The following ADAM10 variants were observed in gnomAD, a reference collection of about 807,000 sequenced individuals.
The protein encoded by ADAM10 is disintegrin and metalloproteinase domain-containing protein 10.
In ADAM10, 17 loss-of-function variants were observed where a neutral mutation model predicts 90.1. That is an observed-to-expected ratio of 0.19 (90% CI 0.13 to 0.28). The LOEUF (loss-of-function observed/expected upper bound fraction) is 0.28. Ranked by LOEUF, ADAM10 falls within the 10% of genes least tolerant of loss-of-function variation. The pLI, the probability that ADAM10 is intolerant of heterozygous loss-of-function variation, is 1.00. For synonymous variants in ADAM10, 310 were observed against 298.6 expected, an observed-to-expected ratio of 1.04 and a Z score of -0.40; for missense variants, 610 against 914.3, an observed-to-expected ratio of 0.67 and a Z score of 4.29.
At chr15:58,713,808 T>G (rs1386465640) in intron 2 of ADAM10, among the ~76,000 whole-genome samples, 2 of 150,678 alleles carry the variant, frequency 1.3e-5, no homozygotes, top group African/African-American at 5.0e-5. Context: ...TTTCATAGAA[T>G]TCTTTTCTTT....
intron 1 of ADAM10, among the ~76,000 whole-genome samples, chr15:58,729,990 ACAAACAAAC>A (rs1899180024): frequency 2.3e-5 from 3 of 127,880 alleles, no homozygotes; most frequent in African/African-American, 5.7e-5. Flanking sequence ...CAAAAACAAA[ACAAACAAAC>A]AAACAAAAAA....
intron 2 of ADAM10, among the ~76,000 whole-genome samples, chr15:58,711,840 G>A (rs1898484486): frequency 6.6e-6 from 1 of 152,102 alleles, no homozygotes; most frequent in African/African-American, 2.4e-5. Context: ...TTAAGTAAGA[G>A]TCTCAGATAC....
chr15:58,672,786 C>CAAAAAAAAAAAAAAAAAAAAAAAA (rs58659295), intron 4 of ADAM10: 14 of 60,836 alleles, frequency 2.3e-4, no homozygotes, highest in African/African-American at 6.6e-4. Context: ...CCTCATGCAG[C>CAAAAAAAAAAAAAAAAAAAAAAAA]AAAAAAAAAA....
chr15:58,614,725 A>T (rs1165855363), intron 11 of ADAM10, among the ~76,000 whole-genome samples: 1 of 152,212 alleles, frequency 6.6e-6, no homozygotes, highest in Non-Finnish European at 1.5e-5. Context: ...GACTGACCCT[A>T]CAAGAAATAC....
chr15:58,612,570 C>A (rs1208834443), intron 11 of ADAM10, among the ~76,000 whole-genome samples: 18 of 152,242 alleles, frequency 1.2e-4, no homozygotes, highest in African/African-American at 4.3e-4. Flanking sequence ...TGTTGCTGCA[C>A]CTGGTCTCAC....
chr15:58,662,216 T>C (rs964870741), intron 5 of ADAM10, among the ~76,000 whole-genome samples: 2 of 152,226 alleles, frequency 1.3e-5, no homozygotes, highest in Admixed American at 6.5e-5. Flanking sequence ...GCTAATTTAT[T>C]TGAAAAGCAG....
At position 58,594,159 on chromosome 15, in the gene ADAM10, C is replaced by T. The variant is rs1464818140; in HGVS notation, c.*3388G>A. On this transcript the variant is annotated 3_prime_UTR_variant, in exon 16 of 16. Coordinates refer to ENST00000260408, the MANE Select transcript of ADAM10 (RefSeq NM_001110.4). ...GTCCCTGGCAGCTGCTTTAAAACTACATCTGGCTTGCACCCTGGTTTTGGG... is the reference window on the plus strand; with the variant it reads ...GTCCCTGGCAGCTGCTTTAAAACTATATCTGGCTTGCACCCTGGTTTTGGG... The T allele has an allele frequency of 2.0e-5, 3 of 152,236 alleles. No homozygotes were observed. Among genetic ancestry groups the T allele is most frequent in the Non-Finnish European group, 4.4e-5 (3 of 68,042 alleles). 9.4% of individuals were successfully genotyped at this position (152,236 alleles called of 1,614,324 possible).
At chr15:58,622,305 T>C (rs1368931993) in intron 10 of ADAM10, among the ~76,000 whole-genome samples, 2 of 152,202 alleles carry the variant, frequency 1.3e-5, no homozygotes, top group African/African-American at 4.8e-5. Flanking sequence ...CCAAGCCATG[T>C]TCAATTTTCC....
At position 58,646,258 on chromosome 15, in the gene ADAM10, T is replaced by A. The variant is rs183390177; in HGVS notation, c.586-54A>T. On this transcript the variant is annotated intron_variant, in intron 5 of 15. Coordinates refer to ENST00000260408, the MANE Select transcript of ADAM10 (RefSeq NM_001110.4). ...TTAGTATGCTTCAATACTATCATTT[T>A]ATCTAATTAAGAATACATACTATAA... The A allele has an allele frequency of 2.6e-6, 4 of 1,534,578 alleles. No individual in the cohort carries two copies. The East Asian group carries it at 9.2e-5, about 35-fold the overall frequency.
Position 58,595,226 on chromosome 15 carries a change from T to C in ADAM10, c.*2321A>G, listed in dbSNP as rs548103501. On this transcript the variant is annotated 3_prime_UTR_variant, in exon 16 of 16. Transcript: ENST00000260408. ...TAGTTGGGTGTTTTAAAAAGGTTTA[T>C]TGTGTGTACGCAGAGTATCTAACTG... The C allele has an allele frequency of 6.6e-6, 1 of 152,186 alleles. No homozygotes were observed. Among genetic ancestry groups the C allele is most frequent in the African/African-American group, 2.4e-5 (1 of 41,560 alleles). 9.4% of individuals were successfully genotyped at this position (152,186 alleles called of 1,614,324 possible).
At chr15:58,727,807 T>C (rs1224981828) in intron 1 of ADAM10, among the ~76,000 whole-genome samples, 17 of 151,840 alleles carry the variant, frequency 1.1e-4, no homozygotes, top group Admixed American at 1.1e-3. Flanking sequence ...AAAAAAATTA[T>C]GAGGGATAAA....
chr15:58,700,927 C>T (rs1282387343), intron 2 of ADAM10, among the ~76,000 whole-genome samples: 1 of 150,912 alleles, frequency 6.6e-6, no homozygotes. Flanking sequence ...ACTGCTTGAG[C>T]CCTGGAGTTC....
chr15:58,708,275 C>T (rs1248426024), intron 2 of ADAM10, among the ~76,000 whole-genome samples: 1 of 152,118 alleles, frequency 6.6e-6, no homozygotes, highest in Admixed American at 6.5e-5. Flanking sequence ...AACAGTCTTT[C>T]CGTCACATCA....
At chr15:58,609,310 C>G (rs1206561198) in intron 14 of ADAM10, 1 of 151,910 alleles carries the variant, frequency 6.6e-6, no homozygotes, top group Non-Finnish European at 1.5e-5. Flanking sequence ...AATCCAATTT[C>G]AACAATCCTT....
intron 1 of ADAM10, among the ~76,000 whole-genome samples, chr15:58,744,735 C>A (rs1479542837): frequency 6.6e-6 from 1 of 152,180 alleles, no homozygotes; most frequent in African/African-American, 2.4e-5. Flanking sequence ...ACTGGCCAGG[C>A]ACAGTGGCTT....
At chr15:58,636,151 C>T (rs1373666977) in intron 8 of ADAM10, among the ~76,000 whole-genome samples, 1 of 151,896 alleles carries the variant, frequency 6.6e-6, no homozygotes, top group Non-Finnish European at 1.5e-5. Flanking sequence ...GTGGTGCATG[C>T]ATGTAATCCC....
chr15:58,610,753 A>G (rs774301840), intron 13 of ADAM10: 2 of 638,760 alleles, frequency 3.1e-6, no homozygotes, highest in Non-Finnish European at 5.5e-6. Context: ...CTTAAAGTCT[A>G]ACAGTGTTTA....
intron 13 of ADAM10, chr15:58,610,770 T>G: frequency 1.6e-6 from 1 of 633,498 alleles, no homozygotes; most frequent in Non-Finnish European, 2.8e-6. Context: ...TTTATGTAAA[T>G]TACTGCTGTA....
chr15:58,726,365 G>C (rs1266630194), intron 1 of ADAM10, among the ~76,000 whole-genome samples: 1 of 151,858 alleles, frequency 6.6e-6, no homozygotes, highest in Non-Finnish European at 1.5e-5. Context: ...AGGAGTTCGA[G>C]ACCAGCCTGG....
Sources: gnomAD v4.1 joint callset for allele counts (sites outside exome capture counted in the v4.1 genomes callset) on GRCh38, gnomAD v4.1.1 for gene constraint, MANE v1.5 for transcripts, NCBI Gene and HGNC (gene_info 2026-07-23, HGNC 2026-07-21) for gene names.